The following PTPRT variants were observed in gnomAD, a reference collection of about 807,000 sequenced individuals.
PTPRT encodes the protein receptor-type tyrosine-protein phosphatase T.
PTPRT carries 56 observed loss-of-function variants against 176.8 expected under a neutral mutation model. The observed-to-expected ratio is 0.32, with a 90% CI of 0.26 to 0.40. The LOEUF is 0.40. PTPRT is among the 10% of genes least tolerant of loss of function. The probability of loss-of-function intolerance (pLI) is 1.00; values close to 1 mark genes in which losing one functional copy is unlikely to be tolerated. For missense variants in PTPRT, 1,540 were observed against 1,908.2 expected (o/e 0.81, Z 3.60); for synonymous variants, 783 against 739.0 (o/e 1.06, Z -0.96).
Position 42,161,393 on chromosome 20 carries a change from T to A in PTPRT, c.2641A>T (p.Met881Leu). ...VADLLQHITQ[M>L]KRGQGYGFKE... is the part of the protein sequence containing the mutation. The stretch of plus-strand genomic sequence containing the variant: ...AACCCGTAGCCCTGGCCTCTCTTCA[T>A]CTGCGTGATGTGCTGCAGCAAGTCA... The change falls in exon 17 of 31, where the codon ATG (methionine) becomes TTG (leucine). Residue 881 changes from methionine to leucine, a missense_variant. This residue lies in a region of PTPRT where 255 missense variants were observed against 250.1 expected (regional missense o/e 1.02). Transcript: ENST00000373187. 6.2e-7 allele frequency: 1 copy of A among 1,614,106 alleles called. No homozygotes were observed. The highest frequency in any genetic ancestry group is 8.5e-7 in the Non-Finnish European group (1 of 1,180,026).
intron 7 of PTPRT, among the ~76,000 whole-genome samples, chr20:42,562,200 C>T (rs2072963596): frequency 6.6e-6 from 1 of 152,198 alleles, no homozygotes; most frequent in South Asian, 2.1e-4. Context: ...TACCTGTCAT[C>T]CAACCCAATA....
chr20:42,361,429 G>A (rs1403470604), intron 9 of PTPRT, among the ~76,000 whole-genome samples: 2 of 152,036 alleles, frequency 1.3e-5, no homozygotes, highest in African/African-American at 2.4e-5. Context: ...TAAGTCTTAG[G>A]GGACTTGGGA....
chr20:43,080,197 C>A (rs994690663), intron 1 of PTPRT, among the ~76,000 whole-genome samples: 9 of 152,278 alleles, frequency 5.9e-5, no homozygotes, highest in African/African-American at 2.2e-4. Flanking sequence ...CAAGTCCAAG[C>A]TGACACTTGG....
intron 7 of PTPRT, among the ~76,000 whole-genome samples, chr20:42,594,263 G>A (rs1490988319): frequency 3.3e-5 from 5 of 152,054 alleles, no homozygotes; most frequent in East Asian, 3.9e-4. Context: ...CTCATTTGCC[G>A]CTGTCAATCC....
In PTPRT at chr20:42,472,463, T is replaced by C. The variant is rs763468780; in HGVS notation, c.1253A>G (p.His418Arg). 4.3e-6 allele frequency: 7 copies of C among 1,614,148 alleles called. No individual in the cohort carries two copies. The East Asian group carries it at 6.7e-5, about 15-fold the overall frequency. Residue 418 changes from histidine (H) to arginine (R), a missense_variant, in exon 8 of 31, where the codon CAT (histidine) becomes CGT (arginine). Physicochemically the swap from His to Arg is conservative, Grantham distance 29. Transcript: ENST00000373187. ...GTACTGCACGGTGAGGTTGTAGCTA[T>C]GGCAGCGGGTCACCGCGTAGCCGAA... ...EPFGYAVTRC[H>R]SYNLTVQYQY...
At chr20:42,365,678 A>G (rs1344291253) in intron 9 of PTPRT, among the ~76,000 whole-genome samples, 3 of 152,156 alleles carry the variant, frequency 2.0e-5, no homozygotes, top group African/African-American at 7.2e-5. Context: ...AATTAAAATC[A>G]TGAAAAAATC....
intron 13 of PTPRT, among the ~76,000 whole-genome samples, chr20:42,277,884 T>TCATCCATCCATCCATCCATCCATCCATC (rs60397646): frequency 7.2e-6 from 1 of 139,692 alleles, no homozygotes; most frequent in Non-Finnish European, 1.6e-5. Flanking sequence ...AGTCATCCAC[T>TCATCCATCCATCCATCCATCCATCCATC]CATCCATCCA....
At chr20:42,536,705 A>T (rs182379873) in intron 7 of PTPRT, among the ~76,000 whole-genome samples, 2 of 152,206 alleles carry the variant, frequency 1.3e-5, no homozygotes, top group Non-Finnish European at 2.9e-5. Context: ...TTCTGTATTA[A>T]TTAGGAAGAT....
chr20:42,463,178 G>GTCTC (rs148212646), intron 8 of PTPRT, among the ~76,000 whole-genome samples: 1 of 150,520 alleles, frequency 6.6e-6, no homozygotes, highest in African/African-American at 2.4e-5. Context: ...ATTAAACTAG[G>GTCTC]TCTCTCTCTC....
At chr20:42,643,463 A>C (rs1448816326) in intron 7 of PTPRT, among the ~76,000 whole-genome samples, 1 of 151,968 alleles carries the variant, frequency 6.6e-6, no homozygotes, top group Non-Finnish European at 1.5e-5. Flanking sequence ...CTAGGACTAC[A>C]GGTACATGCC....
intron 7 of PTPRT, among the ~76,000 whole-genome samples, chr20:42,568,371 G>A (rs539757809): frequency 1.2e-4 from 19 of 152,170 alleles, no homozygotes; most frequent in Non-Finnish European, 1.9e-4. Context: ...CTCCAACGTT[G>A]GTATTATTAT....
At chr20:42,951,783 G>A (rs1407446365) in intron 1 of PTPRT, among the ~76,000 whole-genome samples, 1 of 152,138 alleles carries the variant, frequency 6.6e-6, no homozygotes, top group Non-Finnish European at 1.5e-5. Flanking sequence ...AGCTGACTGA[G>A]TTGCACAGCC....
At chr20:42,415,474 A>C (rs1373146599) in intron 9 of PTPRT, among the ~76,000 whole-genome samples, 1 of 152,096 alleles carries the variant, frequency 6.6e-6, no homozygotes, top group Non-Finnish European at 1.5e-5. Context: ...GACCTCCCAA[A>C]GTGCTGGGAT....
chr20:42,428,582 C>T lies in PTPRT; in HGVS notation c.1560+19638G>A, dbSNP rs975636755. 1.2e-4 allele frequency among the ~76,000 whole-genome samples: 18 copies of T among 152,290 alleles called. 1 individual carries two copies. Among genetic ancestry groups the T allele is most frequent in the Admixed American group, 9.1e-4 (14 of 15,310 alleles). ...CAGTGCCTATTTGTGTCAGAGCCCT[C>T]CCAAAGCCATCAGGTCAAGCATGCC... On this transcript the variant is annotated intron_variant, in intron 9 of 30. Coordinates refer to ENST00000373187, the MANE Select transcript of PTPRT (RefSeq NM_007050.6).
intron 9 of PTPRT, among the ~76,000 whole-genome samples, chr20:42,443,591 G>A (rs1315333443): frequency 2.0e-5 from 3 of 152,192 alleles, no homozygotes; most frequent in Non-Finnish European, 4.4e-5. Context: ...CTCTGACGAG[G>A]ATTCTGAGCT....
chr20:42,525,072 G>C (rs1045551091), intron 7 of PTPRT, among the ~76,000 whole-genome samples: 1 of 152,070 alleles, frequency 6.6e-6, no homozygotes, highest in Non-Finnish European at 1.5e-5. Flanking sequence ...ACCGCAGCCT[G>C]TACCTCCCGG....
chr20:42,200,839 C>G (rs1225941329), intron 15 of PTPRT, among the ~76,000 whole-genome samples: 4 of 152,146 alleles, frequency 2.6e-5, no homozygotes, highest in African/African-American at 4.8e-5. Context: ...CAACAGTAGG[C>G]TTCAAATTCA....
rs1294710283 is a variant in PTPRT, at chr20:42,077,015, T to C, written c.*3864A>G. ...TTTAAATCCTGGTTCATTCACTCACTAGCTGTGGAACTGTGGGCAAGTGAT... is the reference window on the plus strand; with the variant it reads ...TTTAAATCCTGGTTCATTCACTCACCAGCTGTGGAACTGTGGGCAAGTGAT... On this transcript the variant is annotated 3_prime_UTR_variant, in exon 31 of 31. Transcript: ENST00000373187. 5.8e-5 allele frequency: 11 copies of C among 188,278 alleles called. No homozygotes were observed. In the Admixed American group the frequency reaches 6.2e-4, roughly 11 times the overall value. 11.7% of individuals were successfully genotyped at this position (188,278 alleles called of 1,614,324 possible).
At chr20:42,389,743 T>C (rs1322486403) in intron 9 of PTPRT, among the ~76,000 whole-genome samples, 1 of 151,328 alleles carries the variant, frequency 6.6e-6, no homozygotes, top group African/African-American at 2.4e-5. Context: ...TAGTCCCAGC[T>C]ACTCCAGAGG....
Sources: allele counts gnomAD v4.1 joint callset (sites outside exome capture counted in the v4.1 genomes callset), GRCh38; gene constraint gnomAD v4.1.1; regional missense constraint gnomAD v4.1.1; transcripts MANE v1.5; gene names NCBI Gene and HGNC (gene_info 2026-07-23, HGNC 2026-07-21).